The following NTM variants were observed in gnomAD, a reference collection of about 807,000 sequenced individuals.
NTM encodes neurotrimin.
Under a neutral mutation model 42.1 loss-of-function variants are expected in NTM, and 13 were observed. The ratio of observed to expected loss-of-function variants is 0.31; its 90% confidence interval spans 0.20 to 0.49. The LOEUF is 0.49. Among genes scored for constraint, NTM ranks in the 20% least tolerant of loss-of-function variants. NTM has a pLI of 0.99. For missense variants in NTM, 373 were observed against 452.8 expected (o/e 0.82, Z 1.60); for synonymous variants, 187 against 179.2 (o/e 1.04, Z -0.35).
chr11:132,156,867 A>G (rs916077215), intron 3 of NTM, among the ~76,000 whole-genome samples: 6 of 152,230 alleles, frequency 3.9e-5, no homozygotes, highest in Non-Finnish European at 7.3e-5. Context: ...AATCTTTACA[A>G]AAGGGAGGCA....
intron 4 of NTM, among the ~76,000 whole-genome samples, chr11:132,224,997 G>A (rs1212683856): frequency 6.6e-6 from 1 of 152,192 alleles, no homozygotes; most frequent in Admixed American, 6.5e-5. Flanking sequence ...GCTGATCCAT[G>A]TGGGTTAGCT....
At chr11:131,614,090 T>G (rs2137567872) in intron 1 of NTM, among the ~76,000 whole-genome samples, 1 of 152,324 alleles carries the variant, frequency 6.6e-6, no homozygotes, top group South Asian at 2.1e-4. Flanking sequence ...TGCCCAGGAC[T>G]TGCAAGGTTC....
At chr11:131,806,427 G>C (rs913452469) in intron 1 of NTM, among the ~76,000 whole-genome samples, 3 of 152,150 alleles carry the variant, frequency 2.0e-5, no homozygotes, top group Non-Finnish European at 4.4e-5. Context: ...CAATTCCAGA[G>C]TTTGTCTTTG....
chr11:132,330,054 G>C, intron 7 of NTM, 99 bp from the exon 8 acceptor site: 1 of 1,524,672 alleles, frequency 6.6e-7, no homozygotes, highest in Non-Finnish European at 8.8e-7. Context: ...ACGCTGCTGC[G>C]CCAGGAGCGC....
chr11:131,803,143 T>C (rs1204398582), intron 1 of NTM, among the ~76,000 whole-genome samples: 1 of 152,156 alleles, frequency 6.6e-6, no homozygotes, highest in African/African-American at 2.4e-5. Context: ...CTCATTCAAT[T>C]TGTGGGATGT....
chr11:131,968,287 G>T (rs1303412546), intron 2 of NTM, among the ~76,000 whole-genome samples: 1 of 152,158 alleles, frequency 6.6e-6, no homozygotes, highest in African/African-American at 2.4e-5. Flanking sequence ...GCGGAGGTCT[G>T]CTTCTCCACG....
At chr11:132,330,524 C>T (rs1054848506) in intron 8 of NTM, among the ~76,000 whole-genome samples, 4 of 152,204 alleles carry the variant, frequency 2.6e-5, no homozygotes, top group African/African-American at 9.7e-5. Context: ...CAGCGATCTT[C>T]TCAGACCTTG....
At chr11:131,551,447 A>C (rs1468100141) in intron 1 of NTM, among the ~76,000 whole-genome samples, 2 of 151,580 alleles carry the variant, frequency 1.3e-5, no homozygotes. Flanking sequence ...GCACGATTGC[A>C]ATGAACCTGG....
At chr11:131,461,731 G>A (rs761735614) in intron 1 of NTM, among the ~76,000 whole-genome samples, 1 of 152,082 alleles carries the variant, frequency 6.6e-6, no homozygotes, top group Non-Finnish European at 1.5e-5. Context: ...GAGGCAATGG[G>A]TATATTATCT....
chr11:131,908,379 G>A (rs1227919651), intron 1 of NTM, among the ~76,000 whole-genome samples: 1 of 152,228 alleles, frequency 6.6e-6, no homozygotes, highest in Non-Finnish European at 1.5e-5. Context: ...GGGAAAGCCT[G>A]TTGTTGTCAT....
chr11:131,801,891 G>A (rs2092145337), intron 1 of NTM, among the ~76,000 whole-genome samples: 1 of 152,042 alleles, frequency 6.6e-6, no homozygotes, highest in Admixed American at 6.5e-5. Flanking sequence ...CATGACCCCA[G>A]CCCTGTGCCA....
intron 7 of NTM, 160 bp downstream of exon 7, chr11:132,314,863 G>GAGAGGGAC: frequency 1.5e-6 from 2 of 1,373,314 alleles, no homozygotes; most frequent in South Asian, 3.9e-5. Context: ...GAAATGGAGA[G>GAGAGGGAC]AGAGGGACAG....
intron 1 of NTM, among the ~76,000 whole-genome samples, chr11:131,691,475 G>T (rs1395442773): frequency 1.3e-5 from 2 of 152,196 alleles, no homozygotes; most frequent in African/African-American, 4.8e-5. Flanking sequence ...GGCAGGCGTG[G>T]ACCCCACACC....
At chr11:132,018,023 T>C (rs1210814762) in intron 2 of NTM, among the ~76,000 whole-genome samples, 2 of 152,022 alleles carry the variant, frequency 1.3e-5, no homozygotes, top group Non-Finnish European at 2.9e-5. Context: ...TTTTGTGCAC[T>C]CTTTAGAATT....
intron 1 of NTM, among the ~76,000 whole-genome samples, chr11:131,667,491 C>G (rs949816392): frequency 6.6e-5 from 10 of 152,154 alleles, no homozygotes; most frequent in African/African-American, 2.4e-4. Flanking sequence ...CATTGGTGCT[C>G]TGATTCCAGC....
Position 131,608,964 on chromosome 11 carries a change from T to A in NTM, c.82+238076T>A. Reference sequence around the variant, plus strand: ...TGCTACTGACAGTAGATGCAAATAGTAGTTAAAATAATAATGTAAAATGTT... The same window carrying A: ...TGCTACTGACAGTAGATGCAAATAGAAGTTAAAATAATAATGTAAAATGTT... On this transcript the variant is annotated intron_variant, in intron 1 of 8. Transcript: ENST00000683400. Among the ~76,000 whole-genome samples, 3 of 152,338 alleles carry A rather than the reference T, an allele frequency of 2.0e-5. No homozygotes were observed. In the Middle Eastern group the frequency reaches 0.01, roughly 518 times the overall value.
intron 1 of NTM, among the ~76,000 whole-genome samples, chr11:131,864,976 C>T (rs1344398813): frequency 2.6e-5 from 4 of 152,214 alleles, no homozygotes; most frequent in African/African-American, 7.2e-5. Context: ...GCAACCTCTC[C>T]CGCACCGGCC....
chr11:132,018,393 C>G (rs963711376), intron 2 of NTM, among the ~76,000 whole-genome samples: 3 of 151,894 alleles, frequency 2.0e-5, no homozygotes, highest in African/African-American at 7.2e-5. Flanking sequence ...TAGGATTGAA[C>G]CTAATCCTCT....
intron 1 of NTM, among the ~76,000 whole-genome samples, chr11:131,628,083 GA>G (rs1324874638): frequency 6.6e-6 from 1 of 152,162 alleles, no homozygotes; most frequent in Non-Finnish European, 1.5e-5. Flanking sequence ...TCCAGGCTGT[GA>G]AACTCAAATT....
Sources: allele counts gnomAD v4.1 joint callset (sites outside exome capture counted in the v4.1 genomes callset), GRCh38; gene constraint gnomAD v4.1.1; transcripts MANE v1.5; gene names NCBI Gene and HGNC (gene_info 2026-07-23, HGNC 2026-07-21).